TNIK: variants seen among roughly 807,000 people sequenced by gnomAD.
TNIK encodes the protein TRAF2 and NCK interacting kinase.
TNIK carries 49 observed loss-of-function variants against 191.3 expected under a neutral mutation model. That is an observed-to-expected ratio of 0.26 (90% CI 0.20 to 0.32). TNIK has a LOEUF of 0.32. Among genes scored for constraint, TNIK ranks in the 10% least tolerant of loss-of-function variants. TNIK has a pLI of 1.00. For synonymous variants in TNIK, 594 were observed against 600.9 expected (o/e 0.99, Z 0.17); for missense variants, 1,155 against 1,702.3 (o/e 0.68, Z 5.66).
At position 171,062,244 on chromosome 3, in the gene TNIK, C is replaced by T. The variant is rs1717902410; in HGVS notation, c.*1637G>A. Reference sequence around the variant, plus strand: ...CCACATTAGTTTTTGTCATTGGATTCCCCCCACTTCCAATTTTTTAAGAAG... The same window carrying T: ...CCACATTAGTTTTTGTCATTGGATTTCCCCCACTTCCAATTTTTTAAGAAG... On this transcript the variant is annotated 3_prime_UTR_variant, in exon 33 of 33. Coordinates refer to ENST00000436636, the MANE Select transcript of TNIK (RefSeq NM_015028.4). The T allele has an allele frequency of 6.6e-6, 1 of 152,112 alleles. No individual in the cohort carries two copies. Among genetic ancestry groups the T allele is most frequent in the East Asian group, 1.9e-4 (1 of 5,176 alleles). 9.4% of individuals were successfully genotyped at this position (152,112 alleles called of 1,614,324 possible).
At chr3:171,101,420 G>C (rs141410946) in intron 22 of TNIK, 29 bp downstream of exon 22, 1 of 1,569,852 alleles carries the variant, frequency 6.4e-7, no homozygotes, top group Non-Finnish European at 8.6e-7. Context: ...GTCCCCTCCC[G>C]GTCTACACTT....
rs538602947 is a variant in TNIK, at chr3:171,168,263, G to T, written c.774-993C>A. Among the ~76,000 whole-genome samples, 10 of 152,296 alleles carry T rather than the reference G, an allele frequency of 6.6e-5. No individual in the cohort carries two copies. In the South Asian group the frequency reaches 2.1e-3, roughly 32 times the overall value. On this transcript the variant is annotated intron_variant, in intron 9 of 32. Coordinates refer to ENST00000436636, the MANE Select transcript of TNIK (RefSeq NM_015028.4). ...AGCATGCTTTTCCAAGGCACTCCAG[G>T]AGACCTTGATGAAACTCGGGTCACC... is the stretch of plus-strand genomic sequence containing the variant.
At chr3:171,394,118 C>T (rs1445008587) in intron 1 of TNIK, among the ~76,000 whole-genome samples, 1 of 152,134 alleles carries the variant, frequency 6.6e-6, no homozygotes. Flanking sequence ...AGGCTGGTAC[C>T]AGAGTAATTT....
intron 1 of TNIK, among the ~76,000 whole-genome samples, chr3:171,386,364 G>A (rs1471463969): frequency 6.6e-6 from 1 of 152,084 alleles, no homozygotes; most frequent in Non-Finnish European, 1.5e-5. Context: ...TAAAAACTTT[G>A]GTGTTCGTGG....
At chr3:171,249,198 A>G (rs1042246388) in intron 2 of TNIK, among the ~76,000 whole-genome samples, 1 of 152,174 alleles carries the variant, frequency 6.6e-6, no homozygotes, top group African/African-American at 2.4e-5. Flanking sequence ...TAAAACATAA[A>G]TTTCAGCCTC....
rs910970780 is a variant in TNIK, at chr3:171,423,407, C to A, written c.57+36600G>T. Among the ~76,000 whole-genome samples, 22 of 152,160 alleles carry A rather than the reference C, an allele frequency of 1.4e-4. 1 individual carries two copies. Among genetic ancestry groups the A allele is most frequent in the African/African-American group, 5.1e-4 (21 of 41,450 alleles). On this transcript the variant is annotated intron_variant, in intron 1 of 32. Transcript: ENST00000436636. ...AATATCGTGAAAATGGCCATACTGC[C>A]CAAGGTAATTTATAGATTCAATGCC...
intron 15 of TNIK, among the ~76,000 whole-genome samples, chr3:171,129,624 C>T (rs1172608847): frequency 2.6e-5 from 4 of 152,116 alleles, no homozygotes; most frequent in Non-Finnish European, 5.9e-5. Flanking sequence ...CTTTCTCTTC[C>T]CCTCTAACCC....
intron 1 of TNIK, among the ~76,000 whole-genome samples, chr3:171,417,369 C>T (rs1481144530): frequency 1.3e-5 from 2 of 152,106 alleles, no homozygotes; most frequent in African/African-American, 4.8e-5. Flanking sequence ...GCTTGTTTCA[C>T]CAAGTAACTT....
chr3:171,456,939 T>C (rs1172158115), intron 1 of TNIK, among the ~76,000 whole-genome samples: 1 of 152,194 alleles, frequency 6.6e-6, no homozygotes, highest in African/African-American at 2.4e-5. Context: ...CCCCTCCCCT[T>C]GTTACTGTGT....
chr3:171,261,054 A>T (rs572859417), intron 2 of TNIK, among the ~76,000 whole-genome samples: 110 of 152,292 alleles, frequency 7.2e-4, no homozygotes, highest in Non-Finnish European at 1.4e-3. Flanking sequence ...TTTCAAAGAG[A>T]TTTTGTCGGC....
At chr3:171,311,742 T>C (rs923856125) in intron 2 of TNIK, among the ~76,000 whole-genome samples, 2 of 152,270 alleles carry the variant, frequency 1.3e-5, no homozygotes, top group East Asian at 1.9e-4. Flanking sequence ...TTTTAACAAG[T>C]TATGTGAGTG....
At chr3:171,238,238 A>G (rs992348795) in intron 2 of TNIK, among the ~76,000 whole-genome samples, 2 of 152,242 alleles carry the variant, frequency 1.3e-5, no homozygotes, top group East Asian at 3.9e-4. Context: ...AAAAAAATTC[A>G]TAAAATTCAA....
At chr3:171,218,189 G>A (rs1220651701) in intron 3 of TNIK, among the ~76,000 whole-genome samples, 2 of 152,122 alleles carry the variant, frequency 1.3e-5, no homozygotes, top group Non-Finnish European at 2.9e-5. Flanking sequence ...GCCATGAAGT[G>A]TCAGAACTAG....
At chr3:171,311,601 G>A (rs1335946191) in intron 2 of TNIK, among the ~76,000 whole-genome samples, 2 of 152,086 alleles carry the variant, frequency 1.3e-5, no homozygotes, top group Non-Finnish European at 2.9e-5. Context: ...TTCTACATTG[G>A]GTTGCCACCT....
At chr3:171,317,721 T>TA (rs1754791572) in intron 2 of TNIK, among the ~76,000 whole-genome samples, 1 of 152,156 alleles carries the variant, frequency 6.6e-6, no homozygotes, top group East Asian at 1.9e-4. Context: ...AGTCATCACT[T>TA]TGTTATTTAG....
chr3:171,376,893 A>G (rs369459568), intron 1 of TNIK, among the ~76,000 whole-genome samples: 106 of 152,322 alleles, frequency 7.0e-4, no homozygotes, highest in African/African-American at 2.5e-3. Flanking sequence ...CTATCACAGG[A>G]CTGGTCCAAA....
intron 22 of TNIK, among the ~76,000 whole-genome samples, chr3:171,100,760 A>G (rs1170970314): frequency 5.3e-5 from 8 of 151,888 alleles, no homozygotes; most frequent in Non-Finnish European, 8.8e-5. Flanking sequence ...AAAAAAAAAA[A>G]AAGAAAAAGG....
At chr3:171,332,901 C>T (rs1577510738) in intron 2 of TNIK, among the ~76,000 whole-genome samples, 2 of 152,284 alleles carry the variant, frequency 1.3e-5, no homozygotes, top group Middle Eastern at 6.8e-3. Flanking sequence ...CTATAAGTTA[C>T]TTGAAAATTT....
At chr3:171,232,469 G>A (rs148237376) in intron 2 of TNIK, among the ~76,000 whole-genome samples, 1 of 152,292 alleles carries the variant, frequency 6.6e-6, no homozygotes, top group East Asian at 1.9e-4. Context: ...CTATCAGATT[G>A]CAGTTGCTGA....
Sources: gnomAD v4.1 joint callset for allele counts (sites outside exome capture counted in the v4.1 genomes callset) on GRCh38, gnomAD v4.1.1 for gene constraint, MANE v1.5 for transcripts, NCBI Gene and HGNC (gene_info 2026-07-23, HGNC 2026-07-21) for gene names.